The following EEA1 variants were observed in gnomAD, a reference collection of about 807,000 sequenced individuals.
EEA1 encodes early endosome antigen 1, also known as early endosome antigen 1, 162kD.
In EEA1, 111 loss-of-function variants were observed where a neutral mutation model predicts 209.2. The observed-to-expected ratio is 0.53, with a 90% CI of 0.45 to 0.62. The LOEUF (loss-of-function observed/expected upper bound fraction) is 0.62. EEA1 is among the 20% of genes least tolerant of loss of function. The probability of loss-of-function intolerance (pLI) is 0.00; values close to 1 mark genes in which losing one functional copy is unlikely to be tolerated. For synonymous variants in EEA1, 536 were observed against 540.6 expected (o/e 0.99, Z 0.12); for missense variants, 1,343 against 1,530.8 (o/e 0.88, Z 2.05).
chr12:92,859,145 T>C (rs1364540255), intron 3 of EEA1: 37 of 1,461,060 alleles, frequency 2.5e-5, no homozygotes, highest in South Asian at 3.5e-5. Context: ...AAGAAGAATT[T>C]TGATCTCCAC....
At chr12:92,801,523 T>A in intron 20 of EEA1, 77 bp downstream of exon 20, 1 of 961,876 alleles carries the variant, frequency 1.0e-6, no homozygotes, top group South Asian at 2.0e-5. Context: ...AGAACAAACA[T>A]GCTTTATATA....
Position 92,929,152 on chromosome 12 carries a change from G to C in EEA1, c.-86C>G, listed in dbSNP as rs377448112. ...CTACTCGGGGTGCGCGGGCGGGAGGGACTGGGCCGGGAGGGGACCGGGAAG... is the reference window on the plus strand; with the variant it reads ...CTACTCGGGGTGCGCGGGCGGGAGGCACTGGGCCGGGAGGGGACCGGGAAG... On this transcript the variant is annotated 5_prime_UTR_variant, in exon 1 of 29. Coordinates refer to ENST00000322349, the MANE Select transcript of EEA1 (RefSeq NM_003566.4). The C allele has an allele frequency of 1.6e-3, 2,074 of 1,315,862 alleles. 28 individuals are homozygous for C. The African/African-American group carries it at 0.026, about 16-fold the overall frequency. The allele number at this position is 1,315,862 out of a possible 1,614,324, so 81.5% of individuals were successfully genotyped here.
chr12:92,869,297 A>C (rs1367320596), intron 2 of EEA1, among the ~76,000 whole-genome samples: 1 of 152,170 alleles, frequency 6.6e-6, no homozygotes, highest in East Asian at 1.9e-4. Context: ...ACCAACTTCC[A>C]AAAAACACAA....
intron 9 of EEA1, among the ~76,000 whole-genome samples, chr12:92,848,394 G>A (rs921123230): frequency 2.0e-5 from 3 of 152,098 alleles, no homozygotes; most frequent in Non-Finnish European, 2.9e-5. Context: ...AACTAAGGCA[G>A]AAGGATCTGC....
At chr12:92,789,335 G>GA (rs150554696) in intron 21 of EEA1, among the ~76,000 whole-genome samples, 2,219 of 149,494 alleles carry the variant, frequency 0.015, 54 homozygotes, top group African/African-American at 0.051. Context: ...GAAAAGAAAA[G>GA]AAAAAAAACC....
At chr12:92,811,510 T>C in intron 16 of EEA1, 76 bp from the exon 17 acceptor site, 1 of 988,430 alleles carries the variant, frequency 1.0e-6, no homozygotes, top group Non-Finnish European at 1.3e-6. Flanking sequence ...AACGTAAAAT[T>C]GAAAACTCTA....
intron 2 of EEA1, 79 bp from the exon 3 acceptor site, chr12:92,865,066 C>T: frequency 8.5e-7 from 1 of 1,175,114 alleles, no homozygotes; most frequent in Non-Finnish European, 1.2e-6. Flanking sequence ...TTAAATATCA[C>T]CAAATGTCTG....
chr12:92,780,178 C>CA, intron 24 of EEA1, 102 bp downstream of exon 24: 1 of 1,290,962 alleles, frequency 7.7e-7, no homozygotes, highest in Non-Finnish European at 1.0e-6. Flanking sequence ...TTGCCTAGCA[C>CA]ATAGCAAGTT....
At chr12:92,923,919 G>T (rs891863160) in intron 1 of EEA1, among the ~76,000 whole-genome samples, 2 of 150,216 alleles carry the variant, frequency 1.3e-5, no homozygotes, top group Non-Finnish European at 3.0e-5. Context: ...AAGAAATTTG[G>T]AGTTTATAAT....
Position 92,842,507 on chromosome 12 carries a change from T to C in EEA1, c.873A>G (p.Gln291=). 1 of 1,609,092 alleles carries C rather than the reference T, an allele frequency of 6.2e-7. No homozygotes were observed. Among genetic ancestry groups the C allele is most frequent in the Non-Finnish European group, 8.5e-7 (1 of 1,177,658 alleles). ...QEVAVYVQEL[Q]KLKSSVNELT... Reference sequence around the variant, plus strand: ...ATTCATTAACTGAACTTTTCAGTTTTTGTAGTTCCTGTACATATACAGCAA... The same window carrying C: ...ATTCATTAACTGAACTTTTCAGTTTCTGTAGTTCCTGTACATATACAGCAA... Residue 291 remains glutamine (Q), a synonymous_variant, in exon 10 of 29, where the codon CAA becomes CAG. Coordinates refer to ENST00000322349, the MANE Select transcript of EEA1 (RefSeq NM_003566.4).
At chr12:92,916,357 C>G (rs1397518721) in intron 1 of EEA1, among the ~76,000 whole-genome samples, 5 of 151,772 alleles carry the variant, frequency 3.3e-5, no homozygotes, top group African/African-American at 1.2e-4. Flanking sequence ...GACTGTGAAA[C>G]AAACTTAAAA....
chr12:92,832,311 T>C (rs1456697973), intron 11 of EEA1, among the ~76,000 whole-genome samples: 2 of 152,098 alleles, frequency 1.3e-5, no homozygotes, highest in African/African-American at 2.4e-5. Flanking sequence ...AGCTGTAAGA[T>C]GGATATTATA....
intron 1 of EEA1, among the ~76,000 whole-genome samples, chr12:92,912,704 T>C (rs1349993961): frequency 6.6e-6 from 1 of 152,056 alleles, no homozygotes; most frequent in Non-Finnish European, 1.5e-5. Context: ...CATCCCTCAC[T>C]CTCCTCCCAC....
At chr12:92,914,638 G>GCAACATAA (rs1880698505) in intron 1 of EEA1, among the ~76,000 whole-genome samples, 1 of 151,796 alleles carries the variant, frequency 6.6e-6, no homozygotes, top group African/African-American at 2.4e-5. Context: ...CATCCCCTGG[G>GCAACATAA]CAACATAACA....
Position 92,778,177 on chromosome 12 carries a change from ATGCTG to A in EEA1, c.3655-3_3656del, listed in dbSNP as rs1373950975. 1 of 1,608,298 alleles carries A rather than the reference ATGCTG, an allele frequency of 6.2e-7. No individual in the cohort carries two copies. The highest frequency in any genetic ancestry group is 1.1e-5 in the South Asian group (1 of 89,860). ...CTACTTCCTTTTCTTTTATTTCGGA[ATGCTG>A]AAAAAAAGGAAAAGTTGGGGGGAAA... On this transcript the variant is annotated splice_acceptor_variant and splice_polypyrimidine_tract_variant and coding_sequence_variant and intron_variant, in exon 26 of 29. Transcript: ENST00000322349. LOFTEE classifies it high-confidence loss of function.
At chr12:92,794,620 CT>C (rs1874569232) in intron 21 of EEA1, among the ~76,000 whole-genome samples, 1 of 151,592 alleles carries the variant, frequency 6.6e-6, no homozygotes, top group East Asian at 1.9e-4. Flanking sequence ...TCTCAGCAAA[CT>C]ATAACAAGGA....
chr12:92,863,205 T>C (rs563393266), intron 3 of EEA1, among the ~76,000 whole-genome samples: 4 of 152,358 alleles, frequency 2.6e-5, no homozygotes, highest in Admixed American at 2.0e-4. Context: ...TCTACAGAGA[T>C]GACTACAATC....
intron 10 of EEA1, among the ~76,000 whole-genome samples, 180 bp downstream of exon 10, chr12:92,842,285 A>G (rs77714910): frequency 0.061 from 9,270 of 152,132 alleles, 301 homozygotes; most frequent in Middle Eastern, 0.11. Flanking sequence ...TAGAATTTCA[A>G]CTTTGCACAA....
rs1405778116 is a variant in EEA1, at chr12:92,773,110, G to A, written c.*2901C>T. The A allele has an allele frequency of 6.6e-6, 1 of 151,902 alleles. No homozygotes were observed. The highest frequency in any genetic ancestry group is 1.9e-4 in the East Asian group (1 of 5,194). 9.4% of individuals were successfully genotyped at this position (151,902 alleles called of 1,614,324 possible). A position where few individuals can be genotyped will look rare whatever the true frequency, so the allele number is the denominator to read the frequency against. ...TAATGGTGGCACATTTAAATCTTAT[G>A]GATCAAATCATCCATGGTTTTATAG... is the stretch of plus-strand genomic sequence containing the variant. On this transcript the variant is annotated 3_prime_UTR_variant, in exon 29 of 29. Transcript: ENST00000322349.
Sources: allele counts gnomAD v4.1 joint callset (sites outside exome capture counted in the v4.1 genomes callset), GRCh38; gene constraint gnomAD v4.1.1; transcripts MANE v1.5; gene names NCBI Gene and HGNC (gene_info 2026-07-23, HGNC 2026-07-21).